The following LMTK3 variants were observed in gnomAD, a reference collection of about 807,000 sequenced individuals.
LMTK3 encodes the protein serine/threonine-protein kinase LMTK3.
A neutral mutation model predicts 116.7 loss-of-function variants in LMTK3; 27 were observed. The observed-to-expected ratio is 0.23, with a 90% CI of 0.17 to 0.32. The LOEUF is 0.32. Ranked by LOEUF, LMTK3 falls within the 10% of genes least tolerant of loss-of-function variation. The probability of loss-of-function intolerance (pLI) is 1.00; values close to 1 mark genes in which losing one functional copy is unlikely to be tolerated. For synonymous variants in LMTK3, 965 were observed against 971.0 expected (o/e 0.99, Z 0.11); for missense variants, 1,764 against 2,068.5 (o/e 0.85, Z 2.86).
rs1039476830 is a variant in LMTK3, at chr19:48,493,614, C to T, written c.4092+80G>A. Reference sequence around the variant, plus strand: ...CCCCGCCCAACTCTAAGCTCGGCCTCCCGCCAGGCCCTTCCCGGCTCTAGG... The same window carrying T: ...CCCCGCCCAACTCTAAGCTCGGCCTTCCGCCAGGCCCTTCCCGGCTCTAGG... On this transcript the variant is annotated intron_variant, in intron 12 of 14. Transcript: ENST00000600059. The T allele has an allele frequency of 2.8e-6, 4 of 1,445,228 alleles. No homozygotes were observed. In the South Asian group the frequency reaches 5.3e-5, roughly 19 times the overall value. The allele number at this position is 1,445,228 out of a possible 1,614,324, so 89.5% of individuals were successfully genotyped here.
rs1218445707 is a variant in LMTK3 at position 48,499,043 on chromosome 19, C to T, written c.2026G>A (p.Gly676Arg). 4.7e-6 allele frequency: 7 copies of T among 1,501,712 alleles called. No homozygotes were observed. Among genetic ancestry groups the T allele is most frequent in the Non-Finnish European group, 6.2e-6 (7 of 1,127,262 alleles). The allele number at this position is 1,501,712 out of a possible 1,614,324, so 93.0% of individuals were successfully genotyped here. A position where few individuals can be genotyped will look rare whatever the true frequency, so the allele number is the denominator to read the frequency against. Residue 676 changes from glycine (G) to arginine (R), a missense_variant, in exon 11 of 15, where the codon GGG becomes AGG. By Grantham distance (125) the Gly-to-Arg change is moderately radical. Around this residue, in one of 7 missense-constraint regions of LMTK3, gnomAD observed 1,028 missense variants for 1,050.6 expected, o/e 0.98. Transcript: ENST00000600059. ...PLPCPLCSRE[G>R]ACSCLPLERG... ...TCCAGTGGCAGGCAGGAGCAGGCCCCCTCGCGGCTGCACAGGGGACAGGGT... is the reference window on the plus strand; with the variant it reads ...TCCAGTGGCAGGCAGGAGCAGGCCCTCTCGCGGCTGCACAGGGGACAGGGT...
At chr19:48,503,437 G>A (rs542141226) in intron 5 of LMTK3, among the ~76,000 whole-genome samples, 2 of 151,936 alleles carry the variant, frequency 1.3e-5, no homozygotes, top group Non-Finnish European at 2.9e-5. Context: ...ATCTCTGGAT[G>A]GCCCTCACTG....
intron 11 of LMTK3, among the ~76,000 whole-genome samples, chr19:48,495,685 A>C (rs949116230): frequency 6.6e-6 from 1 of 152,166 alleles, no homozygotes; most frequent in African/African-American, 2.4e-5. Flanking sequence ...AGGCTCCTCT[A>C]TGGAGATGAT....
rs991898557 is a variant in LMTK3 at position 48,485,415 on chromosome 19, C to T, written c.*358G>A. The T allele has an allele frequency of 5.6e-5, 13 of 231,432 alleles. No individual in the cohort carries two copies. Among genetic ancestry groups the T allele is most frequent in the Admixed American group, 3.2e-4 (6 of 18,736 alleles). 14.3% of individuals were successfully genotyped at this position (231,432 alleles called of 1,614,324 possible). A position where few individuals can be genotyped will look rare whatever the true frequency, so the allele number is the denominator to read the frequency against. On this transcript the variant is annotated 3_prime_UTR_variant, in exon 15 of 15. Transcript: ENST00000600059. ...GGTCCGGGTCCCCGAAGCCTGCGGC[C>T]CCTGTCTTGGGCCAGGAGTGGGTGA...
chr19:48,502,686 G>T, intron 6 of LMTK3, 105 bp from the exon 7 acceptor site: 3 of 1,328,060 alleles, frequency 2.3e-6, no homozygotes, highest in Non-Finnish European at 3.0e-6. Flanking sequence ...GCCCCTCTGA[G>T]CCTTAGTTTC....
chr19:48,503,267 C>G lies in LMTK3; in HGVS notation c.558-271G>C, dbSNP rs944706443. On this transcript the variant is annotated intron_variant, in intron 5 of 14. Transcript: ENST00000600059. ...TTCACCATGTTGGCCAGGCTGGTCT[C>G]GAACTCCTGACCTCAAGTGATCCAC... Among the ~76,000 whole-genome samples the G allele has an allele frequency of 2.0e-5, 3 of 152,120 alleles. No individual in the cohort carries two copies. In the East Asian group the frequency reaches 5.8e-4, roughly 29 times the overall value.
In LMTK3 at chr19:48,511,583, G is replaced by C. The variant is rs1218729095; in HGVS notation, c.-7C>G. The C allele has an allele frequency of 2.9e-6, 4 of 1,384,910 alleles. No homozygotes were observed. Among genetic ancestry groups the C allele is most frequent in the South Asian group, 1.6e-5 (1 of 62,264 alleles). 85.8% of individuals were successfully genotyped at this position (1,384,910 alleles called of 1,614,324 possible). On this transcript the variant is annotated 5_prime_UTR_variant, in exon 1 of 15. Transcript: ENST00000600059. Reference sequence around the variant, plus strand: ...GGGCGCCGGGGGCAGGCATCTTGTCGAGGATGGCAGGGAGGTGGAGGTGGT... The same window carrying C: ...GGGCGCCGGGGGCAGGCATCTTGTCCAGGATGGCAGGGAGGTGGAGGTGGT...
intron 2 of LMTK3, 113 bp from the exon 3 acceptor site, chr19:48,510,286 G>C: frequency 7.0e-7 from 1 of 1,419,398 alleles, no homozygotes; most frequent in South Asian, 1.3e-5. Flanking sequence ...CCCAGTCCCA[G>C]CCCAATTTCC....
At chr19:48,486,994 T>A (rs1053892170) in intron 14 of LMTK3, among the ~76,000 whole-genome samples, 3 of 151,558 alleles carry the variant, frequency 2.0e-5, no homozygotes, top group Non-Finnish European at 4.4e-5. Flanking sequence ...GCTTCCTGAG[T>A]AGCTGGGATT....
Position 48,501,489 on chromosome 19 carries a change from T to A in LMTK3, c.868A>T (p.Ser290Cys). Residue 290 changes from serine to cysteine, a missense_variant, in exon 8 of 15, where the codon AGC becomes TGC. Ser to Cys is a moderately radical substitution (Grantham distance 112, BLOSUM62 -1). Coordinates refer to ENST00000600059, the MANE Select transcript of LMTK3 (RefSeq NM_001388485.1). ...VRIGDYGLAH[S>C]NYKEDYYLTP... ...GAAGGAAGCCCTACCTTGTAGTTGC[T>A]GTGGGCCAGCCCGTAGTCTCCGATG... 6.2e-7 allele frequency: 1 copy of A among 1,612,572 alleles called. No homozygotes were observed.
chr19:48,489,214 C>T lies in LMTK3; in HGVS notation c.4366+1894G>A, dbSNP rs368750612. ...ATTGAATCCCCTGTGCCCAGCATGG[C>T]GCCTGCACGCAGAAGATGATCAGAA... On this transcript the variant is annotated intron_variant, in intron 14 of 14. Coordinates refer to ENST00000600059, the MANE Select transcript of LMTK3 (RefSeq NM_001388485.1). Among the ~76,000 whole-genome samples, 34 of 152,334 alleles carry T rather than the reference C, an allele frequency of 2.2e-4. No homozygotes were observed. In the South Asian group the frequency reaches 6.8e-3, roughly 31 times the overall value.
chr19:48,510,417 TG>T, intron 2 of LMTK3, 41 bp downstream of exon 2: 1 of 1,572,314 alleles, frequency 6.4e-7, no homozygotes, highest in African/African-American at 1.4e-5. Context: ...AAGGCCTTGC[TG>T]GAGTCTTCCT....
At chr19:48,486,311 G>A (rs957418164) in intron 14 of LMTK3, among the ~76,000 whole-genome samples, 19 of 150,100 alleles carry the variant, frequency 1.3e-4, no homozygotes, top group South Asian at 1.1e-3. Flanking sequence ...CACCCGCCTC[G>A]GCCTCCCAAA....
Position 48,497,947 on chromosome 19 carries a change from G to T in LMTK3, c.3122C>A (p.Pro1041His). 1 of 1,562,848 alleles carries T rather than the reference G, an allele frequency of 6.4e-7. No homozygotes were observed. The highest frequency in any genetic ancestry group is 1.4e-5 in the African/African-American group (1 of 72,690). Residue 1041 changes from proline (P) to histidine (H), a missense_variant, in exon 11 of 15, where the codon CCC becomes CAC. Coordinates refer to ENST00000600059, the MANE Select transcript of LMTK3 (RefSeq NM_001388485.1). The surrounding 1 kb of genome is among the most constrained non-coding windows in gnomAD (Gnocchi z 5.7). ...EKTPESWGPA[P>H]TIGEPAPETS... ...CTCTGGGGCTGGCTCCCCGATCGTG[G>T]GGGCTGGACCCCAACTCTCGGGCGT...
At chr19:48,508,693 C>G (rs1310133722) in intron 5 of LMTK3, among the ~76,000 whole-genome samples, 158 bp downstream of exon 5, 1 of 152,118 alleles carries the variant, frequency 6.6e-6, no homozygotes, top group Non-Finnish European at 1.5e-5. Flanking sequence ...ACCCTTAGCT[C>G]GGTCCAGAGG....
At chr19:48,505,296 TAG>T (rs1368709067) in intron 5 of LMTK3, among the ~76,000 whole-genome samples, 1 of 151,800 alleles carries the variant, frequency 6.6e-6, no homozygotes, top group African/African-American at 2.4e-5. Context: ...ATATTTTTAT[TAG>T]AGACGGGATT....
chr19:48,506,154 G>T (rs1451835012), intron 5 of LMTK3, among the ~76,000 whole-genome samples: 2 of 142,226 alleles, frequency 1.4e-5, no homozygotes, highest in African/African-American at 2.6e-5. Flanking sequence ...AAAAAAAAAA[G>T]ATAAATAAAT....
intron 4 of LMTK3, 93 bp downstream of exon 4, chr19:48,509,344 A>T: frequency 8.5e-7 from 1 of 1,181,938 alleles, no homozygotes; most frequent in East Asian, 2.6e-5. Flanking sequence ...GGCGAGGGAC[A>T]GATGAGAAGT....
intron 6 of LMTK3, 35 bp downstream of exon 6, chr19:48,502,874 C>T (rs1336165191): frequency 1.3e-6 from 2 of 1,504,030 alleles, no homozygotes; most frequent in East Asian, 4.6e-5. Context: ...TCCAGCTGCC[C>T]CCTCTGCCCT....
Sources: allele counts gnomAD v4.1 joint callset (sites outside exome capture counted in the v4.1 genomes callset), GRCh38; gene constraint gnomAD v4.1.1; regional missense constraint gnomAD v4.1.1; non-coding constraint Gnocchi (gnomAD v3.1); transcripts MANE v1.5; gene names NCBI Gene and HGNC (gene_info 2026-07-23, HGNC 2026-07-21).